RPS6KC1: variants seen among roughly 807,000 people sequenced by gnomAD.
RPS6KC1 encodes inactive ribosomal protein S6 kinase delta-1.
RPS6KC1 carries 54 observed loss-of-function variants against 103.8 expected under a neutral mutation model. That is an observed-to-expected ratio of 0.52 (90% CI 0.42 to 0.65). The LOEUF (loss-of-function observed/expected upper bound fraction) is 0.65, where lower values mean the gene tolerates loss of function less well. Ranked by LOEUF, RPS6KC1 falls within the 30% of genes least tolerant of loss-of-function variation. The pLI, the probability that RPS6KC1 is intolerant of heterozygous loss-of-function variation, is 0.00. For missense variants in RPS6KC1, 1,151 were observed against 1,253.8 expected (o/e 0.92, Z 1.24); for synonymous variants, 439 against 438.7 (o/e 1.00, Z -0.01).
chr1:213,310,441 C>CT, the RPS6KC1 span, among the ~76,000 whole-genome samples: 1 of 151,774 alleles, frequency 6.6e-6, no homozygotes, highest in Non-Finnish European at 1.5e-5. Context: ...GGCCTTTGCA[C>CT]TTTTTTTTTC....
chr1:213,574,591 A>C, the RPS6KC1 span, among the ~76,000 whole-genome samples: 1 of 152,186 alleles, frequency 6.6e-6, no homozygotes, highest in Admixed American at 6.5e-5. Flanking sequence ...TCTTACGTGA[A>C]ACATTTATGA....
At chr1:213,355,761 A>T in the RPS6KC1 span, among the ~76,000 whole-genome samples, 3 of 152,170 alleles carry the variant, frequency 2.0e-5, no homozygotes, top group Non-Finnish European at 4.4e-5. Context: ...CACCTCAGAG[A>T]TGTTTTCAAA....
intron 3 of RPS6KC1, among the ~76,000 whole-genome samples, chr1:213,084,379 C>T (rs1365683010): frequency 2.0e-5 from 3 of 152,166 alleles, no homozygotes; most frequent in Non-Finnish European, 2.9e-5. Context: ...AAGTGATCCT[C>T]CCACTTTAGC....
At chr1:213,673,979 C>G in the RPS6KC1 span, among the ~76,000 whole-genome samples, 1 of 151,934 alleles carries the variant, frequency 6.6e-6, no homozygotes, top group African/African-American at 2.4e-5. Flanking sequence ...AACTCTTGAC[C>G]CTTTCTCTCC....
At chr1:213,480,986 A>G in the RPS6KC1 span, among the ~76,000 whole-genome samples, 3 of 152,290 alleles carry the variant, frequency 2.0e-5, no homozygotes, top group African/African-American at 7.2e-5. Context: ...CTTCTTTGAC[A>G]GTGACAAAAT....
chr1:213,133,945 T>C (rs1434532716), intron 6 of RPS6KC1, among the ~76,000 whole-genome samples: 1 of 152,144 alleles, frequency 6.6e-6, no homozygotes, highest in Non-Finnish European at 1.5e-5. Context: ...TTGAAAACTT[T>C]CTTATTTTGA....
chr1:213,738,516 G>A, the RPS6KC1 span, among the ~76,000 whole-genome samples: 1 of 152,014 alleles, frequency 6.6e-6, no homozygotes, highest in African/African-American at 2.4e-5. Flanking sequence ...CTGAGAAGCT[G>A]GGGAAATCAG....
the RPS6KC1 span, among the ~76,000 whole-genome samples, chr1:213,802,627 A>G: frequency 1.3e-5 from 2 of 152,004 alleles, no homozygotes; most frequent in Admixed American, 6.5e-5. Flanking sequence ...CTTTATAGCA[A>G]TAACTTAGGA....
the RPS6KC1 span, among the ~76,000 whole-genome samples, chr1:213,665,541 A>G: frequency 6.6e-6 from 1 of 152,192 alleles, no homozygotes; most frequent in Non-Finnish European, 1.5e-5. Context: ...TAAAATCCAA[A>G]TCTGATCTAC....
chr1:213,789,103 T>C, the RPS6KC1 span, among the ~76,000 whole-genome samples: 1 of 152,154 alleles, frequency 6.6e-6, no homozygotes, highest in African/African-American at 2.4e-5. Flanking sequence ...TCAGTTAAAA[T>C]GATGACCAAG....
intron 12 of RPS6KC1, among the ~76,000 whole-genome samples, chr1:213,254,727 C>A (rs1176485401): frequency 6.6e-6 from 1 of 152,192 alleles, no homozygotes; most frequent in African/African-American, 2.4e-5. Context: ...ATCCAGGATT[C>A]TTTGATATCA....
chr1:213,412,770 C>T, the RPS6KC1 span, among the ~76,000 whole-genome samples: 1 of 152,234 alleles, frequency 6.6e-6, no homozygotes, highest in African/African-American at 2.4e-5. Context: ...CTGCCTCCTG[C>T]TCTGCAAGTT....
intron 4 of RPS6KC1, among the ~76,000 whole-genome samples, chr1:213,112,811 G>T (rs897387149): frequency 1.3e-5 from 2 of 151,742 alleles, no homozygotes; most frequent in Non-Finnish European, 2.9e-5. Context: ...GAGAATATGC[G>T]GTGTTTGGTT....
chr1:213,373,828 C>A, the RPS6KC1 span, among the ~76,000 whole-genome samples: 1 of 152,142 alleles, frequency 6.6e-6, no homozygotes, highest in African/African-American at 2.4e-5. Context: ...CTATCACATC[C>A]TCTTTGCTGA....
the RPS6KC1 span, among the ~76,000 whole-genome samples, chr1:213,389,451 T>G: frequency 1.6e-4 from 24 of 152,232 alleles, no homozygotes; most frequent in Non-Finnish European, 2.8e-4. Context: ...GTCTGCGGGC[T>G]TGCGGCGGAT....
At chr1:213,418,153 A>G in the RPS6KC1 span, among the ~76,000 whole-genome samples, 1 of 152,126 alleles carries the variant, frequency 6.6e-6, no homozygotes. Context: ...CTGCATTTGA[A>G]TCTTCCTGTG....
At chr1:213,135,880 AAG>A (rs1362302609) in intron 6 of RPS6KC1, among the ~76,000 whole-genome samples, 1 of 152,210 alleles carries the variant, frequency 6.6e-6, no homozygotes, top group Admixed American at 6.5e-5. Flanking sequence ...CACAAATGAA[AAG>A]AGAGTTGCTT....
At chr1:213,849,194 C>T in the RPS6KC1 span, among the ~76,000 whole-genome samples, 1,237 of 152,244 alleles carry the variant, frequency 8.1e-3, 20 homozygotes, top group African/African-American at 0.028. Flanking sequence ...GTTTCATGGA[C>T]TCAGCTGGGT....
the RPS6KC1 span, among the ~76,000 whole-genome samples, chr1:213,407,705 A>C: frequency 6.6e-6 from 1 of 152,142 alleles, no homozygotes; most frequent in Non-Finnish European, 1.5e-5. Context: ...CTTTGTGAAC[A>C]TCTCATTTTC....
Sources: allele counts gnomAD v4.1 joint callset (sites outside exome capture counted in the v4.1 genomes callset), GRCh38; gene constraint gnomAD v4.1.1; transcripts MANE v1.5; gene names NCBI Gene and HGNC (gene_info 2026-07-23, HGNC 2026-07-21).